The following CEACAM3 variants were observed in gnomAD, a reference collection of about 807,000 sequenced individuals.
The protein encoded by CEACAM3 is CEA cell adhesion molecule 3.
A neutral mutation model predicts 30.1 loss-of-function variants in CEACAM3; 32 were observed. That is an observed-to-expected ratio of 1.06 (90% confidence interval 0.80 to 1.43). CEACAM3 has a LOEUF of 1.43. Among genes scored for constraint, CEACAM3 ranks in the 40% most tolerant of loss-of-function variants. CEACAM3 has a pLI of 0.00. For synonymous variants in CEACAM3, 134 were observed against 127.2 expected (o/e 1.05, Z -0.36); for missense variants, 290 against 316.3 (o/e 0.92, Z 0.63).
chr19:41,807,685 G>A, intron 2 of CEACAM3: 1 of 1,095,318 alleles, frequency 9.1e-7, no homozygotes, highest in South Asian at 1.8e-5. Context: ...TTGTGACTTG[G>A]CTCACAGGGA....
chr19:41,798,164 G>A (rs2073119252), intron 2 of CEACAM3: 1 of 809,230 alleles, frequency 1.2e-6, no homozygotes, highest in South Asian at 1.9e-5. Flanking sequence ...TGCAGAGGAA[G>A]GACAGTCTGA....
chr19:41,808,871 G>A lies in CEACAM3; in HGVS notation c.483G>A (p.Leu161=). 1 of 1,610,536 alleles carries A rather than the reference G, an allele frequency of 6.2e-7. No homozygotes were observed. Among genetic ancestry groups the A allele is most frequent in the Non-Finnish European group, 8.5e-7 (1 of 1,178,240 alleles). The change falls in exon 3 of 7, where the codon CTG becomes CTA. Residue 161 remains leucine (L), a synonymous_variant. Transcript: ENST00000357396. ...TCGCCGGCATCGTGACCGGGGTCCT[G>A]GTCGGAGTGGCGCTGGTGGCCGCGC... ...GAVAGIVTGV[L]VGVALVAALV...
chr19:41,806,612 C>T (rs1349242269), intron 2 of CEACAM3, among the ~76,000 whole-genome samples: 1 of 152,184 alleles, frequency 6.6e-6, no homozygotes, highest in Non-Finnish European at 1.5e-5. Flanking sequence ...TCTCTGAGCC[C>T]TCAGACGGTC....
chr19:41,801,162 C>T (rs2073143450), intron 2 of CEACAM3, among the ~76,000 whole-genome samples: 1 of 152,194 alleles, frequency 6.6e-6, no homozygotes, highest in Non-Finnish European at 1.5e-5. Context: ...CAGCTTCCTC[C>T]ACCCTTAGGT....
chr19:41,803,472 T>TTG lies in CEACAM3; in HGVS notation c.425-5340_425-5339insGT, dbSNP rs1279815644. Among the ~76,000 whole-genome samples, 223 of 44,944 alleles carry TTG rather than the reference T, an allele frequency of 5.0e-3. 2 individuals are homozygous for TTG. Among genetic ancestry groups the TTG allele is most frequent in the African/African-American group, 8.5e-3 (220 of 26,028 alleles). 29.5% of individuals were successfully genotyped at this position (44,944 alleles called of 152,430 possible). On this transcript the variant is annotated intron_variant, in intron 2 of 6. Transcript: ENST00000357396. ...TGTGTGTGTGTGTTGTTTTGTTTGT[T>TTG]TTTTTTTTTTTTGAGACAGAGTCTC...
At chr19:41,808,730 T>G (rs1385661240) in intron 2 of CEACAM3, 83 bp from the exon 3 acceptor site, 8 of 1,084,890 alleles carry the variant, frequency 7.4e-6, no homozygotes, top group Non-Finnish European at 1.1e-5. Flanking sequence ...CTTCCCTGAC[T>G]GCACACCTTC....
intron 1 of CEACAM3, among the ~76,000 whole-genome samples, chr19:41,796,961 A>C (rs2073107544): frequency 6.6e-6 from 1 of 152,258 alleles, no homozygotes; most frequent in Non-Finnish European, 1.5e-5. Flanking sequence ...CAAGTTAATC[A>C]TTACTGGCCA....
intron 2 of CEACAM3, among the ~76,000 whole-genome samples, chr19:41,803,752 C>CTA (rs2073175667): frequency 1.1e-5 from 1 of 93,652 alleles, no homozygotes; most frequent in Non-Finnish European, 2.9e-5. Context: ...AGGCATGAGC[C>CTA]ACCATGCCCG....
chr19:41,810,146 A>T, intron 4 of CEACAM3, 129 bp downstream of exon 4: 1 of 1,291,292 alleles, frequency 7.7e-7, no homozygotes, highest in Non-Finnish European at 1.1e-6. Context: ...CTCATAAAAC[A>T]TCACACAGGG....
chr19:41,809,873 T>C (rs1220590820), intron 3 of CEACAM3, 92 bp from the exon 4 acceptor site: 2 of 1,309,998 alleles, frequency 1.5e-6, no homozygotes, highest in Non-Finnish European at 2.2e-6. Flanking sequence ...TGCCCATCCT[T>C]GAAAATGGGT....
chr19:41,806,962 C>T, intron 2 of CEACAM3: 1 of 1,422,580 alleles, frequency 7.0e-7, no homozygotes, highest in East Asian at 2.6e-5. Flanking sequence ...GCTGGGATTA[C>T]AGGCGTGAGC....
intron 6 of CEACAM3, 88 bp downstream of exon 6, chr19:41,810,985 C>T: frequency 1.5e-6 from 2 of 1,368,796 alleles, no homozygotes; most frequent in Middle Eastern, 3.6e-4. Context: ...CTCTGAGATT[C>T]AGGAAACTGC....
chr19:41,809,150 AC>A (rs1243552303), intron 3 of CEACAM3: 1 of 222,622 alleles, frequency 4.5e-6, no homozygotes, highest in Admixed American at 5.9e-5. Flanking sequence ...TTAAGGCCCC[AC>A]CCCTGAGTGT....
intron 2 of CEACAM3, among the ~76,000 whole-genome samples, chr19:41,800,401 A>AGACCGGGAAAGGGAGTCTCCCT (rs2073136363): frequency 6.6e-6 from 1 of 152,158 alleles, no homozygotes; most frequent in African/African-American, 2.4e-5. Context: ...GCTACTTGGC[A>AGACCGGGAAAGGGAGTCTCCCT]GACCGGGAAA....
In CEACAM3 at chr19:41,796,987, G is replaced by T. The variant is rs186216142; in HGVS notation, c.64+246G>T. ...TTACTGGCCACTACAATTAGAAAAT[G>T]ATAAGAATAAGAATTACATCAGGGT... On this transcript the variant is annotated intron_variant, in intron 1 of 6. Coordinates refer to ENST00000357396, the MANE Select transcript of CEACAM3 (RefSeq NM_001815.5). 2.4e-4 allele frequency among the ~76,000 whole-genome samples: 37 copies of T among 152,332 alleles called. No homozygotes were observed. In the East Asian group the frequency reaches 5.6e-3, roughly 23 times the overall value.
chr19:41,807,389 T>C (rs556896392), intron 2 of CEACAM3: 266 of 579,884 alleles, frequency 4.6e-4, no homozygotes, highest in African/African-American at 4.3e-3. Context: ...GAATGTCCTC[T>C]GTATCTTCTG....
chr19:41,796,844 C>A, intron 1 of CEACAM3, 103 bp downstream of exon 1: 1 of 1,248,730 alleles, frequency 8.0e-7, no homozygotes, highest in Non-Finnish European at 1.1e-6. Context: ...AAGGCTTCTG[C>A]TGAAGCCTCA....
Position 41,811,329 on chromosome 19 carries a change from A to G in CEACAM3, c.*92A>G. ...GAAGGACATGAAGCCTGAGCCAGAG[A>G]ACCAGCTATAAGTCCTGAGAAGACA... On this transcript the variant is annotated 3_prime_UTR_variant, in exon 7 of 7. Coordinates refer to ENST00000357396, the MANE Select transcript of CEACAM3 (RefSeq NM_001815.5). 1 of 1,102,294 alleles carries G rather than the reference A, an allele frequency of 9.1e-7. No individual in the cohort carries two copies. The allele number at this position is 1,102,294 out of a possible 1,614,324, so 68.3% of individuals were successfully genotyped here. A position where few individuals can be genotyped will look rare whatever the true frequency, so the allele number is the denominator to read the frequency against.
intron 1 of CEACAM3, 60 bp downstream of exon 1, chr19:41,796,801 T>C: frequency 6.4e-7 from 1 of 1,551,424 alleles, no homozygotes; most frequent in Non-Finnish European, 8.7e-7. Flanking sequence ...GGCTGGGGTC[T>C]CCTGGGGAGG....
Sources: allele counts gnomAD v4.1 joint callset (sites outside exome capture counted in the v4.1 genomes callset), GRCh38; gene constraint gnomAD v4.1.1; transcripts MANE v1.5; gene names NCBI Gene and HGNC (gene_info 2026-07-23, HGNC 2026-07-21).